Variants in COG5 observed in about 807,000 individuals in gnomAD.
COG5 encodes component of oligomeric golgi complex 5.
COG5 carries 86 observed loss-of-function variants against 110.4 expected under a neutral mutation model. That is an observed-to-expected ratio of 0.78 (90% CI 0.65 to 0.93). The LOEUF is 0.93. COG5 is among the 40% of genes least tolerant of loss of function. The pLI, the probability that COG5 is intolerant of heterozygous loss-of-function variation, is 0.00. For missense variants in COG5, 1,077 were observed against 987.0 expected (o/e 1.09, Z -1.22); for synonymous variants, 360 against 334.6 (o/e 1.08, Z -0.83).
intron 6 of COG5, among the ~76,000 whole-genome samples, chr7:107,488,354 C>T (rs189941509): frequency 2.6e-5 from 4 of 152,022 alleles, no homozygotes; most frequent in Non-Finnish European, 4.4e-5. Context: ...TAGAAAAAGA[C>T]ATTTTCTCAC....
At chr7:107,408,877 T>G (rs893300948) in intron 7 of COG5, among the ~76,000 whole-genome samples, 2 of 151,996 alleles carry the variant, frequency 1.3e-5, no homozygotes, top group Non-Finnish European at 2.9e-5. Flanking sequence ...TTCTCCACAG[T>G]TCAGTAGTTC....
chr7:107,489,150 T>A (rs1797835100), intron 6 of COG5, among the ~76,000 whole-genome samples: 1 of 152,180 alleles, frequency 6.6e-6, no homozygotes, highest in Non-Finnish European at 1.5e-5. Flanking sequence ...CACTAAAATG[T>A]TAAAACTGCA....
At chr7:107,213,237 G>A (rs188316033) in intron 19 of COG5, among the ~76,000 whole-genome samples, 183 of 152,240 alleles carry the variant, frequency 1.2e-3, no homozygotes, top group Middle Eastern at 0.01. Context: ...TAGCCTCTAT[G>A]CCCAGCCTCA....
intron 11 of COG5, among the ~76,000 whole-genome samples, chr7:107,308,687 T>TTTTA (rs1341170567): frequency 1.3e-5 from 2 of 151,276 alleles, no homozygotes; most frequent in African/African-American, 2.4e-5. Flanking sequence ...ATCGTGTTCC[T>TTTTA]TTTATTTACC....
chr7:107,305,288 A>T (rs1349922830), intron 11 of COG5, among the ~76,000 whole-genome samples: 1 of 152,164 alleles, frequency 6.6e-6, no homozygotes, highest in African/African-American at 2.4e-5. Context: ...TTCATAGCTT[A>T]ATTAAGTGCC....
intron 5 of COG5, among the ~76,000 whole-genome samples, chr7:107,547,198 T>C (rs943158814): frequency 1.3e-5 from 2 of 152,178 alleles, no homozygotes. Flanking sequence ...GATTTATCTC[T>C]GGGGTGCAGG....
intron 6 of COG5, among the ~76,000 whole-genome samples, chr7:107,526,568 TAGAGAA>T (rs1800765988): frequency 6.6e-6 from 1 of 152,180 alleles, no homozygotes; most frequent in Non-Finnish European, 1.5e-5. Flanking sequence ...GAATATTTCC[TAGAGAA>T]AAGAAAACTT....
chr7:107,378,894 C>G (rs1189225326), intron 7 of COG5, among the ~76,000 whole-genome samples: 6 of 152,100 alleles, frequency 3.9e-5, no homozygotes, highest in Non-Finnish European at 8.8e-5. Flanking sequence ...CAAGACAGGC[C>G]AATATTCAAA....
intron 19 of COG5, among the ~76,000 whole-genome samples, chr7:107,215,078 G>T (rs1026590981): frequency 3.3e-5 from 5 of 152,110 alleles, no homozygotes; most frequent in African/African-American, 1.2e-4. Flanking sequence ...AGTGTTATCA[G>T]CTTGAAATAC....
At chr7:107,418,939 T>G (rs1793080743) in intron 6 of COG5, among the ~76,000 whole-genome samples, 2 of 152,270 alleles carry the variant, frequency 1.3e-5, no homozygotes, top group South Asian at 4.1e-4. Flanking sequence ...CATGTCCAGC[T>G]AATTTTTGTA....
chr7:107,281,473 T>A, intron 13 of COG5, 74 bp from the exon 14 acceptor site: 1 of 1,062,538 alleles, frequency 9.4e-7, no homozygotes, highest in Non-Finnish European at 1.5e-6. Context: ...AGATAAAAAC[T>A]CAAACCCAAT....
chr7:107,559,378 A>G (rs1407931071), intron 1 of COG5, among the ~76,000 whole-genome samples: 1 of 152,222 alleles, frequency 6.6e-6, no homozygotes, highest in Admixed American at 6.5e-5. Flanking sequence ...AGTAGATACA[A>G]GTAAAGCTGC....
intron 6 of COG5, among the ~76,000 whole-genome samples, chr7:107,440,523 GC>G (rs1306336230): frequency 6.6e-6 from 1 of 152,096 alleles, no homozygotes; most frequent in African/African-American, 2.4e-5. Flanking sequence ...ACGGTCTTTT[GC>G]ATGCTAATAG....
At chr7:107,274,025 T>C (rs1054336836) in intron 14 of COG5, among the ~76,000 whole-genome samples, 13 of 152,200 alleles carry the variant, frequency 8.5e-5, no homozygotes, top group Non-Finnish European at 1.5e-4. Context: ...TAAATTACCA[T>C]AGCAATGAAT....
At chr7:107,505,235 G>A (rs2129139256) in intron 6 of COG5, among the ~76,000 whole-genome samples, 1 of 152,292 alleles carries the variant, frequency 6.6e-6, no homozygotes, top group East Asian at 1.9e-4. Context: ...ACCAGCTTTG[G>A]CTAAAGCAGG....
Position 107,201,821 on chromosome 7 carries a change from C to A in COG5, c.*1695G>T, listed in dbSNP as rs1241595606. On this transcript the variant is annotated 3_prime_UTR_variant, in exon 22 of 22. Coordinates refer to ENST00000297135, the MANE Select transcript of COG5 (RefSeq NM_006348.5). ...TGTAACTGCTGTTTATACATTGGCT[C>A]CTTACTGCTTATTAATCTGTATTGT... 2.4e-5 allele frequency: 4 copies of A among 168,940 alleles called. No homozygotes were observed. Among genetic ancestry groups the A allele is most frequent in the Admixed American group, 6.1e-5 (1 of 16,286 alleles). The allele number at this position is 168,940 out of a possible 1,614,324, so 10.5% of individuals were successfully genotyped here. A position where few individuals can be genotyped will look rare whatever the true frequency, so the allele number is the denominator to read the frequency against.
At chr7:107,444,125 T>C (rs778188481) in intron 6 of COG5, among the ~76,000 whole-genome samples, 3 of 152,196 alleles carry the variant, frequency 2.0e-5, no homozygotes, top group Non-Finnish European at 2.9e-5. Flanking sequence ...TGTTGTTTCT[T>C]AATCTTCAAA....
At chr7:107,505,676 C>T (rs1011604996) in intron 6 of COG5, among the ~76,000 whole-genome samples, 5 of 152,204 alleles carry the variant, frequency 3.3e-5, no homozygotes, top group African/African-American at 1.2e-4. Flanking sequence ...CTGAGCCCAG[C>T]ATGGCAACTG....
At chr7:107,516,254 G>GT (rs1156598975) in intron 6 of COG5, among the ~76,000 whole-genome samples, 2 of 152,062 alleles carry the variant, frequency 1.3e-5, no homozygotes, top group Non-Finnish European at 2.9e-5. Flanking sequence ...TTACAGATGC[G>GT]TATCTGTCAT....
Sources: allele counts gnomAD v4.1 joint callset (sites outside exome capture counted in the v4.1 genomes callset), GRCh38; gene constraint gnomAD v4.1.1; transcripts MANE v1.5; gene names NCBI Gene and HGNC (gene_info 2026-07-23, HGNC 2026-07-21).